ADGRL4: variants seen among roughly 807,000 people sequenced by gnomAD.
ADGRL4 encodes adhesion G protein-coupled receptor L4.
ADGRL4 carries 90 observed loss-of-function variants against 74.8 expected under a neutral mutation model. The observed-to-expected ratio is 1.20, with a 90% CI of 1.02 to 1.43. ADGRL4 has a LOEUF of 1.43. Ranked by LOEUF, ADGRL4 falls within the 40% of genes most tolerant of loss-of-function variation. The pLI is 0.00. For missense variants in ADGRL4, 881 were observed against 814.3 expected (o/e 1.08, Z -1.00); for synonymous variants, 311 against 279.2 (o/e 1.11, Z -1.14).
chr1:78,904,781 G>A (rs1321753489), intron 12 of ADGRL4, among the ~76,000 whole-genome samples: 1 of 151,994 alleles, frequency 6.6e-6, no homozygotes, highest in Admixed American at 6.6e-5. Flanking sequence ...CGTGTAAAAT[G>A]TGGATAGTAT....
At chr1:78,987,880 C>T (rs1391663724) in intron 2 of ADGRL4, among the ~76,000 whole-genome samples, 1 of 151,632 alleles carries the variant, frequency 6.6e-6, no homozygotes, top group Admixed American at 6.6e-5. Context: ...AAGGAACATT[C>T]AATCTTATTG....
chr1:78,891,258 C>A (rs1298541857), intron 14 of ADGRL4, 42 bp from the exon 15 acceptor site: 5 of 1,541,128 alleles, frequency 3.2e-6, no homozygotes, highest in Non-Finnish European at 3.5e-6. Flanking sequence ...TTAATCATAA[C>A]AATCACATTT....
chr1:78,968,989 TTGAC>T (rs1650115615), intron 2 of ADGRL4, among the ~76,000 whole-genome samples: 1 of 152,204 alleles, frequency 6.6e-6, no homozygotes, highest in Admixed American at 6.6e-5. Flanking sequence ...AAGAACTAAA[TTGAC>T]TGAACTCAGA....
At chr1:78,986,911 G>A (rs970253252) in intron 2 of ADGRL4, among the ~76,000 whole-genome samples, 3 of 151,722 alleles carry the variant, frequency 2.0e-5, no homozygotes, top group African/African-American at 7.2e-5. Flanking sequence ...TTGACCACAA[G>A]GGAGGTGTTC....
intron 2 of ADGRL4, among the ~76,000 whole-genome samples, chr1:78,958,487 A>T (rs1377776687): frequency 6.6e-6 from 1 of 152,130 alleles, no homozygotes; most frequent in African/African-American, 2.4e-5. Context: ...GATGACTTGG[A>T]GGGGTTCAAG....
chr1:78,929,351 C>T (rs1649192316), intron 7 of ADGRL4, among the ~76,000 whole-genome samples: 1 of 151,114 alleles, frequency 6.6e-6, no homozygotes, highest in African/African-American at 2.5e-5. Context: ...CACGTCTCTA[C>T]AAAAAATAGA....
chr1:78,987,503 C>T (rs1185763663), intron 2 of ADGRL4, among the ~76,000 whole-genome samples: 1 of 151,584 alleles, frequency 6.6e-6, no homozygotes, highest in Non-Finnish European at 1.5e-5. Flanking sequence ...AAGATTGATT[C>T]CCAATACAAC....
At chr1:78,921,493 T>A in intron 9 of ADGRL4, 120 bp downstream of exon 9, 1 of 519,290 alleles carries the variant, frequency 1.9e-6, no homozygotes, top group Non-Finnish European at 3.2e-6. Flanking sequence ...TTATCTCTTA[T>A]ACTAAATGTG....
intron 12 of ADGRL4, among the ~76,000 whole-genome samples, chr1:78,893,580 G>A (rs1648333904): frequency 6.6e-6 from 1 of 151,822 alleles, no homozygotes; most frequent in African/African-American, 2.4e-5. Flanking sequence ...ATTTAGACTG[G>A]AAAAGAAAAA....
chr1:78,917,103 TA>T (rs1648888612), intron 12 of ADGRL4, among the ~76,000 whole-genome samples: 1 of 151,850 alleles, frequency 6.6e-6, no homozygotes, highest in South Asian at 2.1e-4. Flanking sequence ...CAATTTAGTT[TA>T]AAATCACTTT....
chr1:78,955,450 C>A (rs1268077875), intron 2 of ADGRL4, among the ~76,000 whole-genome samples: 1 of 151,982 alleles, frequency 6.6e-6, no homozygotes, highest in Non-Finnish European at 1.5e-5. Flanking sequence ...GTAATCATGT[C>A]TTGCATTCTT....
intron 2 of ADGRL4, among the ~76,000 whole-genome samples, chr1:78,997,097 T>G (rs1650732386): frequency 6.6e-6 from 1 of 152,078 alleles, no homozygotes; most frequent in African/African-American, 2.4e-5. Context: ...AGAAAACACA[T>G]TGATGATCAC....
At chr1:79,006,503 T>G in intron 1 of ADGRL4, 130 bp downstream of exon 1, 3 of 1,040,940 alleles carry the variant, frequency 2.9e-6, no homozygotes, top group Non-Finnish European at 4.2e-6. Context: ...TGAGAAGTAC[T>G]AAATCAATTC....
intron 2 of ADGRL4, among the ~76,000 whole-genome samples, chr1:78,981,991 T>C (rs537051030): frequency 6.6e-6 from 1 of 151,964 alleles, no homozygotes; most frequent in African/African-American, 2.4e-5. Flanking sequence ...CAATTTCAAC[T>C]AGAGCTCAAC....
At chr1:78,996,283 G>C (rs1386336871) in intron 2 of ADGRL4, among the ~76,000 whole-genome samples, 1 of 152,072 alleles carries the variant, frequency 6.6e-6, no homozygotes, top group Non-Finnish European at 1.5e-5. Flanking sequence ...CTCTTCTCAC[G>C]ATTTGAGTAG....
intron 12 of ADGRL4, among the ~76,000 whole-genome samples, chr1:78,903,444 C>T (rs2100656772): frequency 6.6e-6 from 1 of 152,200 alleles, no homozygotes; most frequent in African/African-American, 2.4e-5. Context: ...CCATATAAGC[C>T]AGTCACAGTT....
intron 2 of ADGRL4, among the ~76,000 whole-genome samples, chr1:78,964,043 G>A (rs891332492): frequency 4.6e-5 from 7 of 152,126 alleles, no homozygotes; most frequent in African/African-American, 1.7e-4. Context: ...GTGTGAAGAC[G>A]ATTTAACTAA....
chr1:78,960,922 C>T (rs1348548316), intron 2 of ADGRL4, among the ~76,000 whole-genome samples: 1 of 152,110 alleles, frequency 6.6e-6, no homozygotes, highest in African/African-American at 2.4e-5. Flanking sequence ...CAGTGTATGG[C>T]ATTTTTGTTA....
At chr1:78,957,335 T>C (rs960450821) in intron 2 of ADGRL4, among the ~76,000 whole-genome samples, 1 of 152,146 alleles carries the variant, frequency 6.6e-6, no homozygotes, top group African/African-American at 2.4e-5. Context: ...GAGGAAGGCA[T>C]GTCAAAAGCT....
Sources: gnomAD v4.1 joint callset for allele counts (sites outside exome capture counted in the v4.1 genomes callset) on GRCh38, gnomAD v4.1.1 for gene constraint, MANE v1.5 for transcripts, NCBI Gene and HGNC (gene_info 2026-07-23, HGNC 2026-07-21) for gene names.